The following ARAP2 variants were observed in gnomAD, a reference collection of about 807,000 sequenced individuals.
ARAP2 encodes the protein ArfGAP with RhoGAP domain, ankyrin repeat and PH domain 2, also known as arf-GAP with Rho-GAP domain, ANK repeat and PH domain-containing protein 2.
A neutral mutation model predicts 194.5 loss-of-function variants in ARAP2; 148 were observed. The observed-to-expected ratio is 0.76, with a 90% confidence interval of 0.67 to 0.87. The LOEUF (loss-of-function observed/expected upper bound fraction) is 0.87, where lower values mean the gene tolerates loss of function less well. Ranked by LOEUF, ARAP2 falls within the 40% of genes least tolerant of loss-of-function variation. The probability of loss-of-function intolerance (pLI) is 0.00; values close to 1 mark genes in which losing one functional copy is unlikely to be tolerated. For synonymous variants in ARAP2, 695 were observed against 683.5 expected (o/e 1.02, Z -0.26); for missense variants, 2,128 against 1,989.7 (o/e 1.07, Z -1.32).
At chr4:36,196,239 T>G (rs1743084938) in intron 6 of ARAP2, among the ~76,000 whole-genome samples, 2 of 152,246 alleles carry the variant, frequency 1.3e-5, no homozygotes, top group African/African-American at 4.8e-5. Context: ...CATCACCATC[T>G]TGATAGACAG....
chr4:36,144,232 A>G (rs1452863478), intron 19 of ARAP2, among the ~76,000 whole-genome samples: 1 of 151,936 alleles, frequency 6.6e-6, no homozygotes, highest in Non-Finnish European at 1.5e-5. Context: ...ACATTTGTTA[A>G]GCTGATACTT....
chr4:36,194,600 G>T (rs1009007342), intron 6 of ARAP2, among the ~76,000 whole-genome samples: 1 of 152,234 alleles, frequency 6.6e-6, no homozygotes, highest in Non-Finnish European at 1.5e-5. Context: ...ACTTCAGGAA[G>T]TGTAGAGAGC....
intron 27 of ARAP2, among the ~76,000 whole-genome samples, chr4:36,096,131 G>C (rs1477441686): frequency 2.0e-5 from 3 of 151,820 alleles, no homozygotes; most frequent in African/African-American, 7.3e-5. Context: ...TGGGAGGATG[G>C]GGCAGGTGGA....
chr4:36,153,604 T>G (rs910691952), intron 15 of ARAP2, among the ~76,000 whole-genome samples: 1 of 152,104 alleles, frequency 6.6e-6, no homozygotes, highest in African/African-American at 2.4e-5. Flanking sequence ...TTGAGATCAG[T>G]GAAGAAAAAC....
rs958817213 is a variant in ARAP2, at chr4:36,204,825, C to A, written c.1487+5565G>T. 4.0e-5 allele frequency among the ~76,000 whole-genome samples: 6 copies of A among 151,552 alleles called. No individual in the cohort carries two copies. In the Middle Eastern group the frequency reaches 0.01, roughly 258 times the overall value. On this transcript the variant is annotated intron_variant, in intron 6 of 32. Coordinates refer to ENST00000303965, the MANE Select transcript of ARAP2 (RefSeq NM_015230.4). ...CCAAGATGGTGAAACCCCGTCTCTA[C>A]TAAAAATACAAAAATTAGCCAGGTG...
intron 5 of ARAP2, among the ~76,000 whole-genome samples, chr4:36,041,361 A>G (rs1720842178): frequency 6.6e-6 from 1 of 152,152 alleles, no homozygotes; most frequent in Non-Finnish European, 1.5e-5. Context: ...CATTAAAAAG[A>G]GGGAAAAAGA....
chr4:36,069,032 T>C (rs1186150311), intron 32 of ARAP2, among the ~76,000 whole-genome samples: 1 of 152,194 alleles, frequency 6.6e-6, no homozygotes, highest in African/African-American at 2.4e-5. Context: ...TTTCTATTTT[T>C]TTTTTCCTTT....
At chr4:36,065,237 G>A (rs984301447), downstream of ARAP2, 9 of 384,604 alleles carry the variant, frequency 2.3e-5, no homozygotes, top group Non-Finnish European at 3.3e-5. Flanking sequence ...GGTGGAGCGG[G>A]AGAAGCAGTT....
In ARAP2 at chr4:36,072,700, A is replaced by AC. The variant is rs1453181626; in HGVS notation, c.4743+988_4743+989insG. On this transcript the variant is annotated intron_variant, in intron 32 of 32. Transcript: ENST00000303965. ...AAACCCCAAAAAAAACAAAAAAAAA[A>AC]ACTAGGTACAGAATGGAAGAAATGA... 4.0e-5 allele frequency among the ~76,000 whole-genome samples: 6 copies of AC among 151,714 alleles called. No homozygotes were observed. The South Asian group carries it at 1.2e-3, about 32-fold the overall frequency.
At chr4:36,173,384 CA>C (rs1737087396) in intron 9 of ARAP2, among the ~76,000 whole-genome samples, 1 of 152,020 alleles carries the variant, frequency 6.6e-6, no homozygotes, top group African/African-American at 2.4e-5. Flanking sequence ...ACACACTATA[CA>C]CCTATCATTT....
At chr4:36,154,827 TG>T (rs1165274613) in intron 15 of ARAP2, among the ~76,000 whole-genome samples, 1 of 152,226 alleles carries the variant, frequency 6.6e-6, no homozygotes, top group Non-Finnish European at 1.5e-5. Context: ...TCCAGGTGCT[TG>T]CTTTCAGAGG....
intron 9 of ARAP2, among the ~76,000 whole-genome samples, chr4:36,009,926 G>T (rs964725786): frequency 6.6e-6 from 1 of 151,184 alleles, no homozygotes. Flanking sequence ...ATTTCTAAAT[G>T]TTCAAGGTTA....
chr4:36,158,866 T>A lies in ARAP2; in HGVS notation c.2618-2A>T. On this transcript the variant is annotated splice_acceptor_variant, in intron 14 of 32. Transcript: ENST00000303965. LOFTEE classifies it high-confidence loss of function. ...AATGAATATCATGTTGAGGGAAATCTAGAAAAATTAAAGAAATAAGGCACA... is the reference window on the plus strand; with the variant it reads ...AATGAATATCATGTTGAGGGAAATCAAGAAAAATTAAAGAAATAAGGCACA... 1 of 1,577,852 alleles carries A rather than the reference T, an allele frequency of 6.3e-7. No individual in the cohort carries two copies. Among genetic ancestry groups the A allele is most frequent in the Non-Finnish European group, 8.6e-7 (1 of 1,169,234 alleles).
chr4:36,113,418 T>G (rs1433664906), intron 26 of ARAP2, among the ~76,000 whole-genome samples: 2 of 152,006 alleles, frequency 1.3e-5, no homozygotes, highest in African/African-American at 4.8e-5. Flanking sequence ...TATCACTTAT[T>G]GCAACACTCC....
intron 19 of ARAP2, among the ~76,000 whole-genome samples, chr4:36,140,236 C>A (rs1178186880): frequency 6.7e-6 from 1 of 150,176 alleles, no homozygotes; most frequent in African/African-American, 2.4e-5. Flanking sequence ...ATACTTATTT[C>A]TTCATAAGCT....
intron 20 of ARAP2, among the ~76,000 whole-genome samples, chr4:36,131,973 T>G (rs763888068): frequency 6.6e-6 from 1 of 151,772 alleles, no homozygotes; most frequent in African/African-American, 2.4e-5. Flanking sequence ...TCAGTAGATA[T>G]ATAACAAAAA....
intron 28 of ARAP2, among the ~76,000 whole-genome samples, chr4:36,087,566 C>T (rs890946249): frequency 6.6e-6 from 1 of 152,006 alleles, no homozygotes; most frequent in African/African-American, 2.4e-5. Context: ...TAAAGCAAAA[C>T]TTACTCTGTT....
intron 32 of ARAP2, among the ~76,000 whole-genome samples, chr4:36,073,321 A>C (rs1727474706): frequency 6.6e-6 from 1 of 152,132 alleles, no homozygotes; most frequent in Non-Finnish European, 1.5e-5. Context: ...TAGAAAGTTT[A>C]GTTACCAGGG....
chr4:36,034,893 A>ATT (rs1461368351), intron 5 of ARAP2, among the ~76,000 whole-genome samples: 2 of 152,090 alleles, frequency 1.3e-5, no homozygotes, highest in Non-Finnish European at 2.9e-5. Flanking sequence ...AATCACATTT[A>ATT]TTGATTTGCA....
Sources: gnomAD v4.1 joint callset for allele counts (sites outside exome capture counted in the v4.1 genomes callset) on GRCh38, gnomAD v4.1.1 for gene constraint, MANE v1.5 for transcripts, NCBI Gene and HGNC (gene_info 2026-07-23, HGNC 2026-07-21) for gene names.